Variants in ABI1 observed in about 807,000 individuals in gnomAD.
ABI1 encodes Abelson interactor 1.
In ABI1, 14 loss-of-function variants were observed where a neutral mutation model predicts 54.6. The ratio of observed to expected loss-of-function variants is 0.26; its 90% CI spans 0.17 to 0.40. The LOEUF is 0.40. Among genes scored for constraint, ABI1 ranks in the 10% least tolerant of loss-of-function variants. The pLI is 1.00. For synonymous variants in ABI1, 194 were observed against 209.3 expected, an observed-to-expected ratio of 0.93 and a Z score of 0.63; for missense variants, 443 against 598.3, an observed-to-expected ratio of 0.74 and a Z score of 2.71.
intron 1 of ABI1, among the ~76,000 whole-genome samples, chr10:26,831,888 C>T (rs2048700553): frequency 6.6e-6 from 1 of 152,106 alleles, no homozygotes; most frequent in Non-Finnish European, 1.5e-5. Context: ...CAGCTATTTC[C>T]AGAGTTTTCT....
chr10:26,750,876 A>G (rs903022877), intron 10 of ABI1, among the ~76,000 whole-genome samples: 21 of 152,192 alleles, frequency 1.4e-4, no homozygotes, highest in Admixed American at 8.5e-4. Flanking sequence ...TAGACTTTAG[A>G]GTAGTTCATA....
chr10:26,797,120 T>C (rs567351170), intron 2 of ABI1, among the ~76,000 whole-genome samples: 16 of 152,272 alleles, frequency 1.1e-4, no homozygotes, highest in African/African-American at 3.9e-4. Context: ...CACAGTAAAA[T>C]TTATTTTTTA....
intron 7 of ABI1, 60 bp from the exon 8 acceptor site, chr10:26,759,298 A>G (rs1838785180): frequency 6.8e-7 from 1 of 1,474,562 alleles, no homozygotes; most frequent in African/African-American, 1.4e-5. Context: ...ATCACCTTAG[A>G]TGGCAGAACA....
chr10:26,850,547 A>C (rs2050300637), intron 1 of ABI1, among the ~76,000 whole-genome samples: 1 of 151,876 alleles, frequency 6.6e-6, no homozygotes, highest in African/African-American at 2.4e-5. Context: ...AGTCCCAACT[A>C]CTCAAGAGGC....
chr10:26,830,484 G>T (rs767376504), intron 1 of ABI1, among the ~76,000 whole-genome samples: 13 of 151,946 alleles, frequency 8.6e-5, no homozygotes, highest in Non-Finnish European at 1.3e-4. Flanking sequence ...GATAGGCCTG[G>T]TGGCTTATGC....
At chr10:26,763,280 G>T (rs1488139797) in intron 7 of ABI1, among the ~76,000 whole-genome samples, 1 of 152,108 alleles carries the variant, frequency 6.6e-6, no homozygotes, top group African/African-American at 2.4e-5. Flanking sequence ...TGTATTTCTA[G>T]ACTCAATGGT....
At chr10:26,802,388 G>A (rs1340347191) in intron 2 of ABI1, among the ~76,000 whole-genome samples, 1 of 152,106 alleles carries the variant, frequency 6.6e-6, no homozygotes. Context: ...CCTATCTAAA[G>A]TGGGTAGAGT....
At chr10:26,795,152 A>C (rs1428248120) in intron 2 of ABI1, among the ~76,000 whole-genome samples, 2 of 151,956 alleles carry the variant, frequency 1.3e-5, no homozygotes, top group South Asian at 2.1e-4. Flanking sequence ...AAAAAAAAAA[A>C]AAAACCAAAA....
chr10:26,850,652 C>T (rs10829112), intron 1 of ABI1, among the ~76,000 whole-genome samples: 36,931 of 142,528 alleles, frequency 0.26, 5,384 homozygotes, highest in South Asian at 0.44. Flanking sequence ...AGTGAGACTC[C>T]GTCTCAAAAA....
intron 2 of ABI1, among the ~76,000 whole-genome samples, chr10:26,793,379 G>A (rs904689275): frequency 1.3e-5 from 2 of 152,100 alleles, no homozygotes; most frequent in Non-Finnish European, 2.9e-5. Flanking sequence ...AATCAACTTC[G>A]AAGTTAACTT....
chr10:26,832,419 A>T (rs923038231), intron 1 of ABI1, among the ~76,000 whole-genome samples: 15 of 148,674 alleles, frequency 1.0e-4, no homozygotes, highest in Non-Finnish European at 1.8e-4. Flanking sequence ...TATCTCTATT[A>T]AAAAATACAA....
At chr10:26,774,440 A>C (rs1841125102) in intron 3 of ABI1, among the ~76,000 whole-genome samples, 1 of 152,152 alleles carries the variant, frequency 6.6e-6, no homozygotes, top group African/African-American at 2.4e-5. Context: ...TCTCTATTCT[A>C]GCTTCCTCTC....
chr10:26,770,131 T>C (rs1342904529), intron 5 of ABI1, 114 bp downstream of exon 5: 4 of 745,918 alleles, frequency 5.4e-6, no homozygotes, highest in South Asian at 5.2e-5. Context: ...TTGTAAAAGG[T>C]AGCGTCACAT....
chr10:26,752,507 A>G (rs1239770685), intron 9 of ABI1, among the ~76,000 whole-genome samples: 1 of 152,214 alleles, frequency 6.6e-6, no homozygotes, highest in East Asian at 1.9e-4. Context: ...CTAGTAAAAC[A>G]TAAGCACGGG....
intron 1 of ABI1, among the ~76,000 whole-genome samples, chr10:26,858,924 G>A (rs2051077251): frequency 6.6e-6 from 1 of 152,146 alleles, no homozygotes; most frequent in Non-Finnish European, 1.5e-5. Flanking sequence ...CTTCTACAGA[G>A]AACACATAAC....
At chr10:26,750,346 T>C (rs946180215) in intron 10 of ABI1, among the ~76,000 whole-genome samples, 1 of 152,124 alleles carries the variant, frequency 6.6e-6, no homozygotes, top group African/African-American at 2.4e-5. Flanking sequence ...ATACAAAAGT[T>C]AGCTGGGCGT....
At chr10:26,822,807 T>C (rs1184606595) in intron 2 of ABI1, among the ~76,000 whole-genome samples, 1 of 152,196 alleles carries the variant, frequency 6.6e-6, no homozygotes, top group African/African-American at 2.4e-5. Flanking sequence ...TGTCAAAACT[T>C]ATAAAAATTC....
At chr10:26,769,776 G>C (rs1001235410) in intron 5 of ABI1, among the ~76,000 whole-genome samples, 2 of 152,128 alleles carry the variant, frequency 1.3e-5, no homozygotes, top group African/African-American at 4.8e-5. Context: ...ATAGTTACAA[G>C]TAAAGTGCAT....
intron 9 of ABI1, among the ~76,000 whole-genome samples, chr10:26,754,319 T>G (rs1838003528): frequency 6.6e-6 from 1 of 152,184 alleles, no homozygotes; most frequent in Non-Finnish European, 1.5e-5. Context: ...CTGGCTAATT[T>G]TTTATTTTTT....
Sources: allele counts gnomAD v4.1 joint callset (sites outside exome capture counted in the v4.1 genomes callset), GRCh38; gene constraint gnomAD v4.1.1; transcripts MANE v1.5; gene names NCBI Gene and HGNC (gene_info 2026-07-23, HGNC 2026-07-21).